Variants in PLA2G4E observed in about 807,000 individuals in gnomAD.
PLA2G4E encodes the protein phospholipase A2 group IVE, also known as cytosolic phospholipase A2 epsilon.
A neutral mutation model predicts 109.1 loss-of-function variants in PLA2G4E; 84 were observed. The observed-to-expected ratio is 0.77, with a 90% confidence interval of 0.65 to 0.92. The LOEUF is 0.92. Among genes scored for constraint, PLA2G4E ranks in the 40% least tolerant of loss-of-function variants. The pLI, the probability that PLA2G4E is intolerant of heterozygous loss-of-function variation, is 0.00. For synonymous variants in PLA2G4E, 469 were observed against 436.1 expected (o/e 1.08, Z -0.94); for missense variants, 1,057 against 1,076.6 (o/e 0.98, Z 0.25).
chr15:42,005,963 G>T, intron 4 of PLA2G4E, 27 bp downstream of exon 4: 3 of 1,611,440 alleles, frequency 1.9e-6, no homozygotes, highest in Non-Finnish European at 8.5e-7. Context: ...TGAAGCCGGA[G>T]TCTGAGGGCC....
chr15:42,001,264 CA>C (rs762711171), intron 6 of PLA2G4E, 44 bp from the exon 7 acceptor site: 1 of 1,535,718 alleles, frequency 6.5e-7, no homozygotes, highest in South Asian at 1.1e-5. Flanking sequence ...GAGCACCAGC[CA>C]CCTCCTTGCT....
intron 1 of PLA2G4E, among the ~76,000 whole-genome samples, chr15:42,042,157 A>G (rs1029413405): frequency 1.3e-5 from 2 of 152,230 alleles, no homozygotes; most frequent in Non-Finnish European, 2.9e-5. Flanking sequence ...TTATGTAGCC[A>G]TTTTCAAAAA....
chr15:41,989,355 C>A, intron 15 of PLA2G4E, 60 bp downstream of exon 15: 1 of 1,601,148 alleles, frequency 6.2e-7, no homozygotes. Context: ...GGGGCCAACC[C>A]AGGGTGGCCC....
At chr15:42,020,816 A>C (rs1167312387) in intron 1 of PLA2G4E, among the ~76,000 whole-genome samples, 119 bp downstream of exon 1, 2 of 152,102 alleles carry the variant, frequency 1.3e-5, no homozygotes, top group Non-Finnish European at 2.9e-5. Context: ...TCCAATGCCT[A>C]CCAGCCCTCC....
chr15:42,034,837 C>T (rs973093843), intron 1 of PLA2G4E, among the ~76,000 whole-genome samples: 47 of 152,240 alleles, frequency 3.1e-4, no homozygotes, highest in African/African-American at 1.1e-3. Context: ...ATGCCTGAAG[C>T]CTATATGCCC....
chr15:41,988,346 C>T lies in PLA2G4E; in HGVS notation c.1724-190G>A, dbSNP rs539418134. ...TCAACACAGTGACTGAGGGGCTCAG[C>T]TCTCAGCTCTTCTCTTCCCTCCCCT... On this transcript the variant is annotated intron_variant, in intron 15 of 19. Coordinates refer to ENST00000399518, the Ensembl canonical transcript of PLA2G4E. 2.0e-5 allele frequency among the ~76,000 whole-genome samples: 3 copies of T among 151,880 alleles called. No individual in the cohort carries two copies. In the South Asian group the frequency reaches 6.3e-4, roughly 32 times the overall value.
chr15:41,983,429 C>T (rs377264102), exon 20 of PLA2G4E: 2 of 311,056 alleles, frequency 6.4e-6, no homozygotes, highest in Non-Finnish European at 1.2e-5. Flanking sequence ...GCCTCTGAGT[C>T]GAGGTTTCTG....
At chr15:42,038,065 A>G (rs903370530) in intron 1 of PLA2G4E, among the ~76,000 whole-genome samples, 2 of 152,238 alleles carry the variant, frequency 1.3e-5, no homozygotes, top group Admixed American at 6.5e-5. Flanking sequence ...CAAAGATCCC[A>G]TAACATTAAG....
intron 14 of PLA2G4E, 112 bp from the exon 15 acceptor site, chr15:41,989,664 A>T: frequency 7.1e-7 from 1 of 1,406,172 alleles, no homozygotes; most frequent in Non-Finnish European, 9.5e-7. Context: ...AGCCTGGGAC[A>T]GGGAGGCCGC....
At chr15:42,001,849 G>C (rs2068423382) in intron 6 of PLA2G4E, among the ~76,000 whole-genome samples, 1 of 152,050 alleles carries the variant, frequency 6.6e-6, no homozygotes, top group Non-Finnish European at 1.5e-5. Context: ...ATGCTACCAT[G>C]CCTGGCTAAT....
intron 13 of PLA2G4E, among the ~76,000 whole-genome samples, chr15:41,991,653 G>C (rs1185165335): frequency 6.6e-6 from 1 of 152,186 alleles, no homozygotes; most frequent in South Asian, 2.1e-4. Context: ...GAAGGAATGA[G>C]GGAAGATTGA....
intron 17 of PLA2G4E, 143 bp downstream of exon 17, chr15:41,987,029 G>T (rs2141021845): frequency 1.2e-6 from 1 of 855,040 alleles, no homozygotes. Context: ...ACCAAATGTG[G>T]AAAACACCAT....
chr15:42,045,963 G>C (rs1889408833), intron 1 of PLA2G4E, among the ~76,000 whole-genome samples: 1 of 152,032 alleles, frequency 6.6e-6, no homozygotes, highest in Admixed American at 6.6e-5. Context: ...TTCTATCCTA[G>C]CTGAGTAAGG....
intron 1 of PLA2G4E, among the ~76,000 whole-genome samples, chr15:42,019,498 G>A (rs1289856915): frequency 1.3e-5 from 2 of 152,148 alleles, no homozygotes; most frequent in South Asian, 2.1e-4. Flanking sequence ...GGCACCTGGG[G>A]AGCCTGCAGG....
intron 10 of PLA2G4E, 47 bp downstream of exon 10, chr15:41,999,477 A>T: frequency 1.4e-6 from 2 of 1,396,050 alleles, no homozygotes; most frequent in Non-Finnish European, 2.0e-6. Flanking sequence ...CTGCACACCC[A>T]CTGCTATGAA....
intron 6 of PLA2G4E, among the ~76,000 whole-genome samples, chr15:42,002,053 T>G (rs2068425511): frequency 6.6e-6 from 1 of 152,128 alleles, no homozygotes; most frequent in African/African-American, 2.4e-5. Flanking sequence ...CTCACACCTG[T>G]AATCCCAGTA....
intron 4 of PLA2G4E, 126 bp downstream of exon 4, chr15:42,005,864 A>C (rs2068470156): frequency 8.4e-7 from 1 of 1,184,862 alleles, no homozygotes; most frequent in African/African-American, 1.5e-5. Context: ...TTAAACCAGC[A>C]GCACCATCTT....
chr15:42,041,108 G>A (rs1889307757), intron 1 of PLA2G4E, among the ~76,000 whole-genome samples: 2 of 152,058 alleles, frequency 1.3e-5, no homozygotes, highest in Admixed American at 1.3e-4. Context: ...AGTTTTTGGA[G>A]GGCAATTTGG....
chr15:42,031,059 C>T (rs1039075882), intron 1 of PLA2G4E, among the ~76,000 whole-genome samples: 2 of 152,144 alleles, frequency 1.3e-5, no homozygotes, highest in African/African-American at 2.4e-5. Context: ...CCTTGACCTC[C>T]CTGGCTCCAG....
Sources: gnomAD v4.1 joint callset for allele counts (sites outside exome capture counted in the v4.1 genomes callset) on GRCh38, gnomAD v4.1.1 for gene constraint, MANE v1.5 for transcripts, NCBI Gene and HGNC (gene_info 2026-07-23, HGNC 2026-07-21) for gene names.